SOX5: variants seen among roughly 807,000 people sequenced by gnomAD.
SOX5 encodes the protein transcription factor SOX-5.
Under a neutral mutation model 92.0 loss-of-function variants are expected in SOX5, and 9 were observed. The observed-to-expected ratio is 0.10, with a 90% CI of 0.06 to 0.17. The LOEUF (loss-of-function observed/expected upper bound fraction) is 0.17, where lower values mean the gene tolerates loss of function less well. Ranked by LOEUF, SOX5 falls within the 10% of genes least tolerant of loss-of-function variation. The probability of loss-of-function intolerance (pLI) is 1.00; values close to 1 mark genes in which losing one functional copy is unlikely to be tolerated. For synonymous variants in SOX5, 344 were observed against 336.3 expected (o/e 1.02, Z -0.25); for missense variants, 642 against 944.5 (o/e 0.68, Z 4.20).
chr12:24,455,400 G>C (rs530406497), intron 1 of SOX5, among the ~76,000 whole-genome samples: 49 of 152,118 alleles, frequency 3.2e-4, no homozygotes, highest in African/African-American at 1.2e-3. Context: ...TTTTTGTTCT[G>C]GATATAACTA....
intron 1 of SOX5, among the ~76,000 whole-genome samples, chr12:24,370,964 C>T (rs548919572): frequency 1.2e-4 from 19 of 152,258 alleles, no homozygotes; most frequent in African/African-American, 4.3e-4. Flanking sequence ...AAAGATCCTA[C>T]TGAAATGTTG....
At chr12:23,784,874 C>G (rs2095351483) in intron 3 of SOX5, among the ~76,000 whole-genome samples, 1 of 152,152 alleles carries the variant, frequency 6.6e-6, no homozygotes, top group Non-Finnish European at 1.5e-5. Flanking sequence ...CTCGGGAGTT[C>G]AAGGTCAGCC....
At position 23,546,253 on chromosome 12, in the gene SOX5, T is replaced by C. The variant is rs1399200769; in HGVS notation, c.1597+63A>G. ...TGTCTAGTCTATTTTTTAGCAGTTT[T>C]AATTGGCACTACCTAGACACTTTCT... On this transcript the variant is annotated intron_variant, in intron 12 of 14. Coordinates refer to ENST00000451604, the MANE Select transcript of SOX5 (RefSeq NM_006940.6). The C allele has an allele frequency of 4.3e-6, 4 of 931,076 alleles. No homozygotes were observed. The African/African-American group carries it at 6.6e-5, about 15-fold the overall frequency. 57.7% of individuals were successfully genotyped at this position (931,076 alleles called of 1,614,324 possible). A position where few individuals can be genotyped will look rare whatever the true frequency, so the allele number is the denominator to read the frequency against.
intron 2 of SOX5, among the ~76,000 whole-genome samples, chr12:24,340,207 G>C (rs1811758039): frequency 6.6e-6 from 1 of 152,128 alleles, no homozygotes. Context: ...GTTTTTTTCT[G>C]TTTGTTTTTA....
At position 23,755,178 on chromosome 12, in the gene SOX5, T is replaced by C. The variant is rs2094324321; in HGVS notation, c.568+460A>G. Among the ~76,000 whole-genome samples the C allele has an allele frequency of 2.6e-5, 4 of 151,770 alleles. No individual in the cohort carries two copies. In the South Asian group the frequency reaches 8.3e-4, roughly 31 times the overall value. The stretch of plus-strand genomic sequence containing the variant: ...TTCAAATAAAACCAAAACAAATTGT[T>C]ACCTTGACTGGTACAAAACAACCTT... On this transcript the variant is annotated intron_variant, in intron 4 of 14. Transcript: ENST00000451604.
intron 4 of SOX5, among the ~76,000 whole-genome samples, chr12:24,019,127 T>G (rs564909107): frequency 6.6e-6 from 1 of 152,212 alleles, no homozygotes; most frequent in South Asian, 2.1e-4. Context: ...GCATGCCACA[T>G]GCCCGTCCAA....
chr12:24,267,506 T>C (rs905231686), intron 3 of SOX5, among the ~76,000 whole-genome samples: 2 of 152,192 alleles, frequency 1.3e-5, no homozygotes, highest in African/African-American at 4.8e-5. Context: ...CTCACTTATG[T>C]ATGCAAAATA....
intron 4 of SOX5, among the ~76,000 whole-genome samples, chr12:24,060,500 T>C (rs973238679): frequency 6.6e-6 from 1 of 152,214 alleles, no homozygotes; most frequent in Non-Finnish European, 1.5e-5. Context: ...TTACATTTTT[T>C]AAGTAGAAAA....
rs184708859 is a variant in SOX5, at chr12:24,122,718, C to T, written c.-2+90625G>A. Among the ~76,000 whole-genome samples, 73 of 152,174 alleles carry T rather than the reference C, an allele frequency of 4.8e-4. No individual in the cohort carries two copies. In the East Asian group the frequency reaches 0.01, roughly 21 times the overall value. ...TAAGTTATAATAGCCTCTGGAATAGCTCAGTGAGATAAACTATTGTGTCTT... is the reference window on the plus strand; with the variant it reads ...TAAGTTATAATAGCCTCTGGAATAGTTCAGTGAGATAAACTATTGTGTCTT... On this transcript the variant is annotated intron_variant, in intron 4 of 4. Transcript: ENST00000446891.
At chr12:24,494,542 AC>A (rs1467527416) in intron 1 of SOX5, among the ~76,000 whole-genome samples, 1 of 152,216 alleles carries the variant, frequency 6.6e-6, no homozygotes, top group Non-Finnish European at 1.5e-5. Flanking sequence ...CTGAAGTCAC[AC>A]CATAAGTGAC....
At chr12:24,352,366 G>A (rs1565965449) in intron 2 of SOX5, among the ~76,000 whole-genome samples, 1 of 152,024 alleles carries the variant, frequency 6.6e-6, no homozygotes, top group South Asian at 2.1e-4. Context: ...ATCCTCAAAT[G>A]GCTCTTTCTA....
At chr12:24,342,520 C>G (rs1952694485) in intron 2 of SOX5, among the ~76,000 whole-genome samples, 1 of 152,200 alleles carries the variant, frequency 6.6e-6, no homozygotes, top group South Asian at 2.1e-4. Flanking sequence ...TAACCAAAGT[C>G]TGAAACTTGA....
intron 4 of SOX5, among the ~76,000 whole-genome samples, chr12:23,989,735 G>A (rs1477289337): frequency 2.6e-5 from 4 of 152,060 alleles, no homozygotes; most frequent in African/African-American, 4.8e-5. Context: ...CAAGAAGCAG[G>A]CAGTCTGCAA....
chr12:24,171,003 G>A (rs995395967), intron 4 of SOX5, among the ~76,000 whole-genome samples: 8 of 152,094 alleles, frequency 5.3e-5, no homozygotes, highest in Non-Finnish European at 1.0e-4. Context: ...TCTTGCTCTA[G>A]TGGGCTTCCA....
intron 3 of SOX5, among the ~76,000 whole-genome samples, chr12:24,225,855 T>G (rs1342281536): frequency 6.6e-6 from 1 of 152,218 alleles, no homozygotes; most frequent in Non-Finnish European, 1.5e-5. Context: ...AAATGATTAA[T>G]AGTTCCATTT....
intron 1 of SOX5, among the ~76,000 whole-genome samples, chr12:23,932,705 G>T (rs773737237): frequency 1.5e-4 from 23 of 151,408 alleles, no homozygotes; most frequent in Non-Finnish European, 3.1e-4. Flanking sequence ...AATGAAAAAG[G>T]TTTCTGTATC....
At chr12:24,474,925 C>A (rs1945200397) in intron 1 of SOX5, among the ~76,000 whole-genome samples, 1 of 151,682 alleles carries the variant, frequency 6.6e-6, no homozygotes, top group Non-Finnish European at 1.5e-5. Flanking sequence ...TCTCAGCTCA[C>A]TGCAACCTCT....
intron 3 of SOX5, among the ~76,000 whole-genome samples, chr12:24,266,157 A>T (rs994695337): frequency 6.6e-6 from 1 of 151,606 alleles, no homozygotes; most frequent in African/African-American, 2.4e-5. Flanking sequence ...CAAGTGATCC[A>T]GCTGCCTCAG....
intron 4 of SOX5, among the ~76,000 whole-genome samples, chr12:23,746,289 G>A (rs1447693352): frequency 6.6e-6 from 1 of 152,110 alleles, no homozygotes; most frequent in African/African-American, 2.4e-5. Flanking sequence ...GATCCTTGGA[G>A]TACTCCAGAG....
Sources: allele counts gnomAD v4.1 joint callset (sites outside exome capture counted in the v4.1 genomes callset), GRCh38; gene constraint gnomAD v4.1.1; transcripts MANE v1.5; gene names NCBI Gene and HGNC (gene_info 2026-07-23, HGNC 2026-07-21).